SAMMSON: variants seen among roughly 807,000 people sequenced by gnomAD.
The protein encoded by SAMMSON is survival associated mitochondrial melanoma specific oncogenic non-coding RNA.
At chr3:70,347,976 G>A (rs1269034569) in intron 7 of SAMMSON, among the ~76,000 whole-genome samples, 2 of 152,166 alleles carry the variant, frequency 1.3e-5, no homozygotes, top group Non-Finnish European at 2.9e-5. Context: ...CCAGGAGGCG[G>A]AGGTTACAGT....
chr3:70,361,544 T>A (rs1442635177), intron 9 of SAMMSON, among the ~76,000 whole-genome samples: 3 of 152,168 alleles, frequency 2.0e-5, no homozygotes, highest in African/African-American at 7.2e-5. Flanking sequence ...CGCTGCAGCA[T>A]CTGCATTGGG....
intron 6 of SAMMSON, among the ~76,000 whole-genome samples, chr3:70,253,909 A>G (rs1701791392): frequency 6.6e-6 from 1 of 152,186 alleles, no homozygotes; most frequent in African/African-American, 2.4e-5. Context: ...CTAAAAATGT[A>G]TAATCTCTTT....
chr3:70,102,065 A>C (rs1319676553), intron 4 of SAMMSON, among the ~76,000 whole-genome samples: 6 of 152,184 alleles, frequency 3.9e-5, no homozygotes, highest in African/African-American at 4.8e-5. Flanking sequence ...TTTCCTTCAT[A>C]GTTAACATAT....
intron 4 of SAMMSON, chr3:70,205,992 T>C (rs1701287364): frequency 6.6e-6 from 1 of 151,964 alleles, no homozygotes; most frequent in South Asian, 2.1e-4. Flanking sequence ...AATTTGAAAT[T>C]GGCTTTGCAA....
chr3:70,362,563 T>A (rs1263362132), intron 9 of SAMMSON, among the ~76,000 whole-genome samples: 1 of 151,250 alleles, frequency 6.6e-6, no homozygotes, highest in Admixed American at 6.6e-5. Flanking sequence ...ATGAAACAGA[T>A]AAAGGCAGAG....
At chr3:70,099,528 T>G (rs1227769137) in intron 4 of SAMMSON, among the ~76,000 whole-genome samples, 1 of 152,242 alleles carries the variant, frequency 6.6e-6, no homozygotes, top group Admixed American at 6.5e-5. Flanking sequence ...TCTAAAATTT[T>G]TATCAGTTTT....
At chr3:70,320,564 A>T (rs1388852218) in intron 7 of SAMMSON, among the ~76,000 whole-genome samples, 1 of 152,042 alleles carries the variant, frequency 6.6e-6, no homozygotes, top group African/African-American at 2.4e-5. Flanking sequence ...TTCTCCAAAG[A>T]CCTGCATTAT....
At chr3:70,290,492 A>C (rs945211049) in intron 6 of SAMMSON, among the ~76,000 whole-genome samples, 1 of 152,206 alleles carries the variant, frequency 6.6e-6, no homozygotes, top group Non-Finnish European at 1.5e-5. Flanking sequence ...TTAAGTCTGC[A>C]GAGGTTATGG....
intron 4 of SAMMSON, among the ~76,000 whole-genome samples, chr3:70,216,043 A>G (rs1701408552): frequency 6.6e-6 from 1 of 152,122 alleles, no homozygotes; most frequent in Admixed American, 6.6e-5. Flanking sequence ...ATACAAATAA[A>G]TTAAAATCTA....
intron 6 of SAMMSON, among the ~76,000 whole-genome samples, chr3:70,251,851 T>A (rs184932258): frequency 2.0e-5 from 3 of 152,288 alleles, no homozygotes; most frequent in Admixed American, 2.0e-4. Flanking sequence ...GACTCATAGA[T>A]AAGCAAGAAA....
intron 1 of SAMMSON, among the ~76,000 whole-genome samples, chr3:70,001,274 C>G (rs1004574305): frequency 1.3e-5 from 2 of 152,034 alleles, no homozygotes; most frequent in African/African-American, 4.8e-5. Flanking sequence ...TCTAGTATCC[C>G]TCTTCTCCTT....
rs114924235 is a variant in SAMMSON at position 70,229,232 on chromosome 3, A to G, written n.508-19875A>G. On this transcript the variant is annotated intron_variant and non_coding_transcript_variant, in intron 4 of 9. Transcript: ENST00000642114. ...GTCAGAGGAGGAATGGTCAGGAAGCAAGAGAAAATTCCAGAGATAGCCAAG... is the reference window on the plus strand; with the variant it reads ...GTCAGAGGAGGAATGGTCAGGAAGCGAGAGAAAATTCCAGAGATAGCCAAG... 4.4e-3 allele frequency among the ~76,000 whole-genome samples: 676 copies of G among 152,336 alleles called. 8 individuals carry two copies. The highest frequency in any genetic ancestry group is 0.014 in the African/African-American group (598 of 41,578).
chr3:70,030,197 C>G (rs898919690), intron 3 of SAMMSON: 1 of 152,072 alleles, frequency 6.6e-6, no homozygotes. Context: ...GTTATCAAAT[C>G]AAATGTTTAT....
At chr3:70,290,345 G>C (rs565579814) in intron 6 of SAMMSON, among the ~76,000 whole-genome samples, 2 of 152,146 alleles carry the variant, frequency 1.3e-5, no homozygotes, top group African/African-American at 4.8e-5. Context: ...TGCCCCTGTT[G>C]GGGGGTGCCT....
chr3:70,161,211 G>A (rs1445028674), intron 4 of SAMMSON, among the ~76,000 whole-genome samples: 12 of 151,886 alleles, frequency 7.9e-5, no homozygotes, highest in Non-Finnish European at 4.4e-5. Context: ...CCAGTACATT[G>A]TTGAAAAGAG....
intron 3 of SAMMSON, chr3:70,013,990 G>A (rs1253082876): frequency 6.6e-6 from 1 of 152,172 alleles, no homozygotes; most frequent in Non-Finnish European, 1.5e-5. Flanking sequence ...GTTAGAGGCA[G>A]AGATTATTCA....
chr3:70,128,397 A>G (rs2067467909), intron 4 of SAMMSON, among the ~76,000 whole-genome samples: 1 of 152,238 alleles, frequency 6.6e-6, no homozygotes, highest in African/African-American at 2.4e-5. Context: ...GAGGTTAAAT[A>G]TATACTTCAC....
rs146034320 is a variant in SAMMSON, at chr3:70,020,296, T to C, written n.417+6624T>C. Reference sequence around the variant, plus strand: ...TTTCCACAATCAAGAGCTAAGAGATTAATGCAGAAAGCAAAAATTCAACAG... The same window carrying C: ...TTTCCACAATCAAGAGCTAAGAGATCAATGCAGAAAGCAAAAATTCAACAG... On this transcript the variant is annotated intron_variant and non_coding_transcript_variant, in intron 3 of 9. Transcript: ENST00000642114. 6.2e-3 allele frequency among the ~76,000 whole-genome samples: 945 copies of C among 152,244 alleles called. 4 individuals carry two copies. The highest frequency in any genetic ancestry group is 0.021 in the African/African-American group (884 of 41,552).
rs571404007 is a variant in SAMMSON at position 70,018,534 on chromosome 3, C to T, written n.417+4862C>T. ...TGTTGATCTTTTCAAAAAACCAGCTCCTGGATTCATTGATTTTTTTGAAGG... is the reference window on the plus strand; with the variant it reads ...TGTTGATCTTTTCAAAAAACCAGCTTCTGGATTCATTGATTTTTTTGAAGG... On this transcript the variant is annotated intron_variant and non_coding_transcript_variant, in intron 3 of 9. Coordinates refer to ENST00000642114, the Ensembl canonical transcript of SAMMSON. Among the ~76,000 whole-genome samples, 3 of 152,192 alleles carry T rather than the reference C, an allele frequency of 2.0e-5. No individual in the cohort carries two copies. The East Asian group carries it at 5.8e-4, about 29-fold the overall frequency.
Sources: gnomAD v4.1 joint callset for allele counts (sites outside exome capture counted in the v4.1 genomes callset) on GRCh38, gnomAD v4.1.1 for gene constraint, MANE v1.5 for transcripts, NCBI Gene and HGNC (gene_info 2026-07-23, HGNC 2026-07-21) for gene names.